TAS2R42: variants seen among roughly 807,000 people sequenced by gnomAD.
The protein encoded by TAS2R42 is taste 2 receptor member 42, also known as taste receptor type 2 member 42.
For missense variants in TAS2R42, 356 were observed against 356.9 expected (o/e 1.00, Z 0.02); for synonymous variants, 138 against 133.0 (o/e 1.04, Z -0.26).
rs777897255 is a variant in TAS2R42, at chr12:11,186,070, T to G, written c.868A>C (p.Lys290Gln). 1.9e-6 allele frequency: 3 copies of G among 1,614,020 alleles called. No homozygotes were observed. The East Asian group carries it at 6.7e-5, about 36-fold the overall frequency. ...HSFILILGNS[K>Q]LQQTAVRLLW... Reference sequence around the variant, plus strand: ...AGCCTCACAGCTGTCTGTTGCAGCTTGCTGTTTCCCAGAATGAGAATAAAT... The same window carrying G: ...AGCCTCACAGCTGTCTGTTGCAGCTGGCTGTTTCCCAGAATGAGAATAAAT... Residue 290 changes from lysine to glutamine, a missense_variant, in exon 1 of 1, where the codon AAG (lysine) becomes CAG (glutamine). Physicochemically the swap from Lys to Gln is moderately conservative, Grantham distance 53. Transcript: ENST00000334266.
chr12:11,186,630 A>G lies in TAS2R42; in HGVS notation c.308T>C (p.Leu103Pro). ...TATCTTAAAGAAATAGAAAATGCTTAGGCAGGTGGCAAGCCAGGTTGTCAA... is the reference window on the plus strand; with the variant it reads ...TATCTTAAAGAAATAGAAAATGCTTGGGCAGGTGGCAAGCCAGGTTGTCAA... ...NHLTTWLATC[L>P]SIFYFFKIAH... Residue 103 changes from leucine to proline, a missense_variant, in exon 1 of 1, where the codon CTA (leucine) becomes CCA (proline). Transcript: ENST00000334266. 6.2e-7 allele frequency: 1 copy of G among 1,614,092 alleles called. No individual in the cohort carries two copies. Among genetic ancestry groups the G allele is most frequent in the Admixed American group, 1.7e-5 (1 of 59,992 alleles).
At position 11,186,429 on chromosome 12, in the gene TAS2R42, T is replaced by C. The variant is rs769275823; in HGVS notation, c.509A>G (p.Glu170Gly). The C allele has an allele frequency of 2.1e-5, 34 of 1,604,348 alleles. 1 individual carries two copies. In the South Asian group the frequency reaches 3.8e-4, roughly 18 times the overall value. Reference protein sequence around the residue: ...DKSNLTLYLDESKTLYDKLSI... With the variant: ...DKSNLTLYLDGSKTLYDKLSI... ...GAGTTTATCATAGAGAGTTTTACTTTCATCTAAATATAAAGTCAGATTACT... is the reference window on the plus strand; with the variant it reads ...GAGTTTATCATAGAGAGTTTTACTTCCATCTAAATATAAAGTCAGATTACT... Residue 170 changes from glutamate (E) to glycine (G), a missense_variant, in exon 1 of 1, where the codon GAA (glutamate) becomes GGA (glycine). Glu to Gly is a moderately conservative substitution (Grantham distance 98, BLOSUM62 -2). Transcript: ENST00000334266.
At position 11,186,033 on chromosome 12, in the gene TAS2R42, A is replaced by G. The variant is rs754939550; in HGVS notation, c.905T>C (p.Leu302Pro). Residue 302 changes from leucine (L) to proline (P), a missense_variant, in exon 1 of 1, where the codon CTT (leucine) becomes CCT (proline). Leu to Pro is a moderately conservative substitution (Grantham distance 98, BLOSUM62 -3). Transcript: ENST00000334266. ...QQTAVRLLWH[L>P]RNYTKTPNPL... ...GTTTGGTGTTTTTGTATAGTTCCTA[A>G]GATGCCACAGTAGCCTCACAGCTGT... The G allele has an allele frequency of 6.8e-6, 11 of 1,613,020 alleles. No individual in the cohort carries two copies. Among genetic ancestry groups the G allele is most frequent in the Non-Finnish European group, 9.3e-6 (11 of 1,179,580 alleles).
rs1391668797 is a variant in TAS2R42 at position 11,186,212 on chromosome 12, G to A, written c.726C>T (p.Leu242=). 6 of 1,613,620 alleles carry A rather than the reference G, an allele frequency of 3.7e-6. No individual in the cohort carries two copies. The highest frequency in any genetic ancestry group is 5.1e-6 in the Non-Finnish European group (6 of 1,179,790). The part of the protein sequence containing the change: ...AMKMVMSFLF[L]FIVHFFSLQV... ...GTAAGGAAAAAAAATGAACTATGAA[G>A]AGGAAAAGGAAAGACATCACCATTT... The change falls in exon 1 of 1, where the codon CTC becomes CTT. Residue 242 remains leucine, a synonymous_variant. Transcript: ENST00000334266.
rs1948029914 is a variant in TAS2R42, at chr12:11,186,758, C to G, written c.180G>C (p.Leu60Phe). 1 of 1,613,856 alleles carries G rather than the reference C, an allele frequency of 6.2e-7. No individual in the cohort carries two copies. Among genetic ancestry groups the G allele is most frequent in the African/African-American group, 1.3e-5 (1 of 74,860 alleles). Residue 60 changes from leucine (L) to phenylalanine (F), a missense_variant, in exon 1 of 1, where the codon TTG becomes TTC. By Grantham distance (22) the Leu-to-Phe change is conservative. Coordinates refer to ENST00000334266, the MANE Select transcript of TAS2R42 (RefSeq NM_181429.2). The part of the protein sequence containing the change: ...CLAISTIGQL[L>F]VILFDSFLVG... ...CTAGAAATGAATCAAACAGTATCAC[C>G]AACAGTTGTCCAATTGTGGAGATAG...
At chr12:11,186,708 GTATA>G in the TAS2R42 span, 1 of 1,614,050 alleles carries the variant, frequency 6.2e-7, no homozygotes, top group South Asian at 1.1e-5. Context: ...TCTATATGTG[GTATA>G]TAAATGTGAA....
At chr12:11,186,911 A>AG in the TAS2R42 span, 2 of 1,611,932 alleles carry the variant, frequency 1.2e-6, no homozygotes, top group South Asian at 1.1e-5. Context: ...CCAGAATCAG[A>AG]AAGATTTTGT....
chr12:11,186,568 A>T lies in TAS2R42; in HGVS notation c.370T>A (p.Trp124Arg). ...ATAACAATCATTCCGTTCATCCTCCACCTCAGCCAGAGGAAAAGGGAGTGG... is the reference window on the plus strand; with the variant it reads ...ATAACAATCATTCCGTTCATCCTCCTCCTCAGCCAGAGGAAAAGGGAGTGG... ...FPHSLFLWLR[W>R]RMNGMIVMLL... Residue 124 changes from tryptophan (W) to arginine (R), a missense_variant, in exon 1 of 1, where the codon TGG becomes AGG. Coordinates refer to ENST00000334266, the MANE Select transcript of TAS2R42 (RefSeq NM_181429.2). 1 of 1,613,908 alleles carries T rather than the reference A, an allele frequency of 6.2e-7. No individual in the cohort carries two copies. Among genetic ancestry groups the T allele is most frequent in the Non-Finnish European group, 8.5e-7 (1 of 1,179,932 alleles).
At position 11,186,049 on chromosome 12, in the gene TAS2R42, T is replaced by C; in HGVS notation, c.889A>G (p.Arg297Gly). ...GNSKLQQTAV[R>G]LLWHLRNYTK... ...TAGTTCCTAAGATGCCACAGTAGCCTCACAGCTGTCTGTTGCAGCTTGCTG... is the reference window on the plus strand; with the variant it reads ...TAGTTCCTAAGATGCCACAGTAGCCCCACAGCTGTCTGTTGCAGCTTGCTG... The change falls in exon 1 of 1, where the codon AGG becomes GGG. Residue 297 changes from arginine to glycine, a missense_variant. Physicochemically the swap from Arg to Gly is moderately radical, Grantham distance 125 (BLOSUM62 -2). Transcript: ENST00000334266. 1 of 1,613,952 alleles carries C rather than the reference T, an allele frequency of 6.2e-7. No homozygotes were observed. The highest frequency in any genetic ancestry group is 8.5e-7 in the Non-Finnish European group (1 of 1,179,900).
At position 11,186,298 on chromosome 12, in the gene TAS2R42, A is replaced by G. The variant is rs768428348; in HGVS notation, c.640T>C (p.Leu214=). The part of the protein sequence containing the change: ...FLSLVRHTRN[L]KLSSLGSRDS... Reference sequence around the variant, plus strand: ...CTAGAGCCCAAGGAACTGAGCTTCAAATTTCTAGTATGTCTCACCAAGGAC... The same window carrying G: ...CTAGAGCCCAAGGAACTGAGCTTCAGATTTCTAGTATGTCTCACCAAGGAC... Residue 214 remains leucine, a synonymous_variant, in exon 1 of 1, where the codon TTG becomes CTG. Transcript: ENST00000334266. 10 of 1,614,098 alleles carry G rather than the reference A, an allele frequency of 6.2e-6. No individual in the cohort carries two copies. Among genetic ancestry groups the G allele is most frequent in the South Asian group, 2.2e-5 (2 of 91,078 alleles).
chr12:11,186,307 T>C lies in TAS2R42; in HGVS notation c.631A>G (p.Thr211Ala). The C allele has an allele frequency of 6.2e-7, 1 of 1,613,958 alleles. No homozygotes were observed. The highest frequency in any genetic ancestry group is 1.1e-5 in the South Asian group (1 of 91,064). ...AAGGAACTGAGCTTCAAATTTCTAG[T>C]ATGTCTCACCAAGGACAGAAATAAA... ...LFLFLSLVRH[T>A]RNLKLSSLGS... Residue 211 changes from threonine to alanine, a missense_variant, in exon 1 of 1, where the codon ACT (threonine) becomes GCT (alanine). Transcript: ENST00000334266.
the TAS2R42 span, chr12:11,186,394 TTAAAA>T: frequency 6.2e-7 from 1 of 1,608,072 alleles, no homozygotes; most frequent in Non-Finnish European, 8.5e-7. Flanking sequence ...AGAAGAGTTT[TTAAAA>T]TAGAGAGTTT....
chr12:11,186,117 T>C lies in TAS2R42; in HGVS notation c.821A>G (p.Asn274Ser). The C allele has an allele frequency of 6.2e-7, 1 of 1,613,986 alleles. No homozygotes were observed. Among genetic ancestry groups the C allele is most frequent in the Non-Finnish European group, 8.5e-7 (1 of 1,179,932 alleles). Reference sequence around the variant, plus strand: ...AAATGAGTGGCACGAGGGAAAGGCATTTAAGGCTAACATGACAAACTTTAT... The same window carrying C: ...AAATGAGTGGCACGAGGGAAAGGCACTTAAGGCTAACATGACAAACTTTAT... ...KCIKFVMLAL[N>S]AFPSCHSFIL... is the part of the protein sequence containing the mutation. Residue 274 changes from asparagine to serine, a missense_variant, in exon 1 of 1, where the codon AAT becomes AGT. Physicochemically the swap from Asn to Ser is conservative, Grantham distance 46. Transcript: ENST00000334266.
In TAS2R42 at chr12:11,186,610, T is replaced by C. The variant is rs1174637855; in HGVS notation, c.328A>G (p.Lys110Glu). 6.2e-7 allele frequency: 1 copy of C among 1,614,006 alleles called. No homozygotes were observed. The highest frequency in any genetic ancestry group is 8.5e-7 in the Non-Finnish European group (1 of 1,179,976). Reference sequence around the variant, plus strand: ...AGGGAGTGGGGGAAGTGGGCTATCTTAAAGAAATAGAAAATGCTTAGGCAG... The same window carrying C: ...AGGGAGTGGGGGAAGTGGGCTATCTCAAAGAAATAGAAAATGCTTAGGCAG... ...ATCLSIFYFF[K>E]IAHFPHSLFL... Residue 110 changes from lysine (K) to glutamate (E), a missense_variant, in exon 1 of 1, where the codon AAG (lysine) becomes GAG (glutamate). Transcript: ENST00000334266.
chr12:11,186,230 CA>C, the TAS2R42 span: 5 of 1,613,680 alleles, frequency 3.1e-6, no homozygotes, highest in Non-Finnish European at 4.2e-6. Flanking sequence ...GGAAAGACAT[CA>C]CCATTTTCAT....
In TAS2R42 at chr12:11,186,577, A is replaced by G. The variant is rs774229678; in HGVS notation, c.361T>C (p.Trp121Arg). 6.2e-7 allele frequency: 1 copy of G among 1,613,976 alleles called. No individual in the cohort carries two copies. Among genetic ancestry groups the G allele is most frequent in the Non-Finnish European group, 8.5e-7 (1 of 1,179,964 alleles). The change falls in exon 1 of 1, where the codon TGG becomes CGG. Residue 121 changes from tryptophan (W) to arginine (R), a missense_variant. Physicochemically the swap from Trp to Arg is moderately radical, Grantham distance 101 (BLOSUM62 -3). Transcript: ENST00000334266. The stretch of plus-strand genomic sequence containing the variant: ...ATTCCGTTCATCCTCCACCTCAGCC[A>G]GAGGAAAAGGGAGTGGGGGAAGTGG... ...IAHFPHSLFL[W>R]LRWRMNGMIV...
chr12:11,186,589 AG>A, the TAS2R42 span: 4 of 1,613,990 alleles, frequency 2.5e-6, no homozygotes, highest in Non-Finnish European at 3.4e-6. Flanking sequence ...AGGAAAAGGG[AG>A]TGGGGGAAGT....
Position 11,186,470 on chromosome 12 carries a change from G to C in TAS2R42, c.468C>G (p.Leu156=). 1.9e-6 allele frequency: 3 copies of C among 1,609,786 alleles called. No homozygotes were observed. Among genetic ancestry groups the C allele is most frequent in the Non-Finnish European group, 2.5e-6 (3 of 1,177,204 alleles). Reference sequence around the variant, plus strand: ...TCAGATTACTTTTATCTATTATATTGAGTGAGATATCAATAAATATTTCTA... The same window carrying C: ...TCAGATTACTTTTATCTATTATATTCAGTGAGATATCAATAAATATTTCTA... The part of the protein sequence containing the change: ...LVLEIFIDIS[L]NIIDKSNLTL... The change falls in exon 1 of 1, where the codon CTC becomes CTG. Residue 156 remains leucine (L), a synonymous_variant. Transcript: ENST00000334266.
chr12:11,186,704 T>C lies in TAS2R42; in HGVS notation c.234A>G (p.Thr78=), dbSNP rs1335173607. ...LVGLASHLYT[T]YRLGKTVIML... ...TAATAACAGTTTTTCCTAGTCTATA[T>C]GTGGTATATAAATGTGAAGCAAGTC... The change falls in exon 1 of 1, where the codon ACA becomes ACG. Residue 78 remains threonine, a synonymous_variant. Coordinates refer to ENST00000334266, the MANE Select transcript of TAS2R42 (RefSeq NM_181429.2). 1 of 1,613,996 alleles carries C rather than the reference T, an allele frequency of 6.2e-7. No homozygotes were observed. Among genetic ancestry groups the C allele is most frequent in the African/African-American group, 1.3e-5 (1 of 74,918 alleles).
Sources: gnomAD v4.1 joint callset for allele counts on GRCh38, gnomAD v4.1.1 for gene constraint, MANE v1.5 for transcripts, NCBI Gene and HGNC (gene_info 2026-07-23, HGNC 2026-07-21) for gene names.